The following ZNF615 variants were observed in gnomAD, a reference collection of about 807,000 sequenced individuals.
The protein encoded by ZNF615 is zinc finger protein 615.
ZNF615 carries 15 observed loss-of-function variants against 15.3 expected under a neutral mutation model. The observed-to-expected ratio is 0.98, with a 90% CI of 0.66 to 1.51. The LOEUF is 1.51. Ranked by LOEUF, ZNF615 falls within the 40% of genes most tolerant of loss-of-function variation. ZNF615 has a pLI of 0.00. For missense variants in ZNF615, 848 were observed against 895.9 expected, an observed-to-expected ratio of 0.95 and a Z score of 0.68; for synonymous variants, 268 against 294.6, an observed-to-expected ratio of 0.91 and a Z score of 0.92.
rs776868859 is a variant in ZNF615 at position 51,994,808 on chromosome 19, G to A, written c.301C>T (p.His101Tyr). ...EIRKIDDPLQHHLQNQSIQKS... is the reference protein window; with the variant it reads ...EIRKIDDPLQYHLQNQSIQKS... ...TGAATACTTTGATTTTGCAAGTGATGCTGCAGAGGATCATCAATTTTCCTG... is the reference window on the plus strand; with the variant it reads ...TGAATACTTTGATTTTGCAAGTGATACTGCAGAGGATCATCAATTTTCCTG... Residue 101 changes from histidine (H) to tyrosine (Y), a missense_variant, in exon 7 of 7, where the codon CAT (histidine) becomes TAT (tyrosine). Transcript: ENST00000598071. 6.3e-7 allele frequency: 1 copy of A among 1,596,912 alleles called. No homozygotes were observed. The highest frequency in any genetic ancestry group is 8.5e-7 in the Non-Finnish European group (1 of 1,172,562).
chr19:52,001,298 T>A (rs1351193290), intron 5 of ZNF615, among the ~76,000 whole-genome samples: 1 of 151,660 alleles, frequency 6.6e-6, no homozygotes, highest in Non-Finnish European at 1.5e-5. Flanking sequence ...AAGATGTGCA[T>A]AAAATAAACA....
intron 2 of ZNF615, among the ~76,000 whole-genome samples, chr19:52,004,131 A>C (rs1471212597): frequency 6.6e-6 from 1 of 152,204 alleles, no homozygotes; most frequent in Non-Finnish European, 1.5e-5. Flanking sequence ...TAAGTGAAAG[A>C]GAATGTGGGG....
chr19:52,008,003 C>T, intron 1 of ZNF615, 138 bp downstream of exon 1: 1 of 757,108 alleles, frequency 1.3e-6, no homozygotes, highest in Non-Finnish European at 2.2e-6. Flanking sequence ...ACGCTAAGCT[C>T]CTGAAAGAAT....
Position 51,992,156 on chromosome 19 carries a change from A to G in ZNF615, c.*724T>C, listed in dbSNP as rs2122991387. On this transcript the variant is annotated 3_prime_UTR_variant, in exon 7 of 7. Transcript: ENST00000598071. The stretch of plus-strand genomic sequence containing the variant: ...GAAATGCAGGAGCTAATCATATAAT[A>G]AAATGAGGCAGGCATAAAATACTCC... 1 of 152,324 alleles carries G rather than the reference A, an allele frequency of 6.6e-6. No homozygotes were observed. Among genetic ancestry groups the G allele is most frequent in the African/African-American group, 2.4e-5 (1 of 41,562 alleles). The allele number at this position is 152,324 out of a possible 1,614,324, so 9.4% of individuals were successfully genotyped here.
In ZNF615 at chr19:52,003,782, A is replaced by G. The variant is rs138220540; in HGVS notation, c.-71T>C. 39 of 1,590,268 alleles carry G rather than the reference A, an allele frequency of 2.5e-5. No individual in the cohort carries two copies. Among genetic ancestry groups the G allele is most frequent in the Non-Finnish European group, 3.2e-5 (37 of 1,171,006 alleles). ...TTTGTCTCTTCTGAATCAGCTCTAA[A>G]TTTCGGTTCAAAAACTTCAATCTCC... On this transcript the variant is annotated 5_prime_UTR_variant, in exon 3 of 7. Transcript: ENST00000598071.
chr19:51,992,242 A>G lies in ZNF615; in HGVS notation c.*638T>C, dbSNP rs1321122436. On this transcript the variant is annotated 3_prime_UTR_variant, in exon 7 of 7. Coordinates refer to ENST00000598071, the MANE Select transcript of ZNF615 (RefSeq NM_001199324.2). ...TAGAGGAAGTCACAATTTAAAATGT[A>G]TAAAATCAGTGACAAGGCAACTAGG... is the stretch of plus-strand genomic sequence containing the variant. The G allele has an allele frequency of 6.6e-6, 1 of 152,240 alleles. No individual in the cohort carries two copies. Among genetic ancestry groups the G allele is most frequent in the Non-Finnish European group, 1.5e-5 (1 of 68,048 alleles). The allele number at this position is 152,240 out of a possible 1,614,324, so 9.4% of individuals were successfully genotyped here.
Position 51,993,147 on chromosome 19 carries a change from C to T in ZNF615, c.1962G>A (p.Gln654=), listed in dbSNP as rs2086286886. 1 of 1,614,200 alleles carries T rather than the reference C, an allele frequency of 6.2e-7. No individual in the cohort carries two copies. Among genetic ancestry groups the T allele is most frequent in the Admixed American group, 1.7e-5 (1 of 60,030 alleles). Residue 654 remains glutamine, a synonymous_variant, in exon 7 of 7, where the codon CAG becomes CAA. Coordinates refer to ENST00000598071, the MANE Select transcript of ZNF615 (RefSeq NM_001199324.2). ...AGGAAGTCTTTCCTGTGTGAAATCG[C>T]TGATGTTGTATGAGGCATGTCTTCT... ...FRKKTCLIQH[Q]RFHTGKTSFA...
At chr19:52,001,635 A>AT in intron 5 of ZNF615, 178 bp downstream of exon 5, 1 of 544,176 alleles carries the variant, frequency 1.8e-6, no homozygotes, top group Non-Finnish European at 3.3e-6. Flanking sequence ...AAAAAAAAAA[A>AT]GAAAAGAAAG....
At position 52,003,964 on chromosome 19, in the gene ZNF615, T is replaced by C. The variant is rs1600014944; in HGVS notation, c.-189-64A>G. On this transcript the variant is annotated intron_variant, in intron 2 of 6. Coordinates refer to ENST00000598071, the MANE Select transcript of ZNF615 (RefSeq NM_001199324.2). ...GGCCCAGATGTTGTCACTGTTCCTATATGCTCACCTTAAATCAAGGCCCCC... is the reference window on the plus strand; with the variant it reads ...GGCCCAGATGTTGTCACTGTTCCTACATGCTCACCTTAAATCAAGGCCCCC... 1.0e-5 allele frequency: 12 copies of C among 1,172,958 alleles called. No homozygotes were observed. In the East Asian group the frequency reaches 2.2e-4, roughly 22 times the overall value. 72.7% of individuals were successfully genotyped at this position (1,172,958 alleles called of 1,614,324 possible).
intron 1 of ZNF615, 127 bp downstream of exon 1, chr19:52,008,014 T>C: frequency 1.2e-6 from 1 of 836,124 alleles, no homozygotes; most frequent in Non-Finnish European, 1.9e-6. Context: ...CTGAAAGAAT[T>C]CCACTGGCGT....
At chr19:51,997,280 G>C (rs2086467013) in intron 6 of ZNF615, among the ~76,000 whole-genome samples, 1 of 152,132 alleles carries the variant, frequency 6.6e-6, no homozygotes, top group African/African-American at 2.4e-5. Flanking sequence ...ACTCCAGCCT[G>C]GGTAACAGAG....
chr19:52,007,330 C>T lies in ZNF615; in HGVS notation c.-227G>A, dbSNP rs964227598. On this transcript the variant is annotated splice_region_variant and 5_prime_UTR_variant, in exon 2 of 7. Transcript: ENST00000598071. The stretch of plus-strand genomic sequence containing the variant: ...GTTATCTTACTTGTGTCAGAAAGAA[C>T]CTGAAAAGAAATATCCAAGAGGATA... 1 of 1,288,102 alleles carries T rather than the reference C, an allele frequency of 7.8e-7. No individual in the cohort carries two copies. The highest frequency in any genetic ancestry group is 1.0e-6 in the Non-Finnish European group (1 of 987,970). The allele number at this position is 1,288,102 out of a possible 1,614,324, so 79.8% of individuals were successfully genotyped here.
intron 6 of ZNF615, among the ~76,000 whole-genome samples, chr19:51,998,139 T>C (rs1341400000): frequency 4.6e-5 from 7 of 152,208 alleles, no homozygotes; most frequent in Admixed American, 4.6e-4. Context: ...CTCCCTACTG[T>C]GTTCTCAACT....
rs1222744191 is a variant in ZNF615 at position 51,993,136 on chromosome 19, G to A, written c.1973C>T (p.Thr658Ile). The A allele has an allele frequency of 6.2e-7, 1 of 1,614,224 alleles. No individual in the cohort carries two copies. Among genetic ancestry groups the A allele is most frequent in the Admixed American group, 1.7e-5 (1 of 60,028 alleles). Reference sequence around the variant, plus strand: ...AGTACATGCAAAGGAAGTCTTTCCTGTGTGAAATCGCTGATGTTGTATGAG... The same window carrying A: ...AGTACATGCAAAGGAAGTCTTTCCTATGTGAAATCGCTGATGTTGTATGAG... ...TCLIQHQRFH[T>I]GKTSFACTEC... The change falls in exon 7 of 7, where the codon ACA becomes ATA. Residue 658 changes from threonine to isoleucine, a missense_variant. Coordinates refer to ENST00000598071, the MANE Select transcript of ZNF615 (RefSeq NM_001199324.2).
Position 51,993,017 on chromosome 19 carries a change from T to C in ZNF615, c.2092A>G (p.Lys698Glu). ...EKPYKCSDCG[K>E]AFTTKSGLNV... ...AGCCCTGATTTTGTAGTGAAGGCTT[T>C]CCCGCAGTCACTGCATTTGTACGGT... The change falls in exon 7 of 7, where the codon AAA (lysine) becomes GAA (glutamate). Residue 698 changes from lysine (K) to glutamate (E), a missense_variant. By Grantham distance (56) the Lys-to-Glu change is moderately conservative. Coordinates refer to ENST00000598071, the MANE Select transcript of ZNF615 (RefSeq NM_001199324.2). The C allele has an allele frequency of 6.2e-7, 1 of 1,614,220 alleles. No homozygotes were observed. The highest frequency in any genetic ancestry group is 1.1e-5 in the South Asian group (1 of 91,088).
chr19:52,003,789 T>C lies in ZNF615; in HGVS notation c.-78A>G, dbSNP rs1600014608. The C allele has an allele frequency of 1.3e-6, 2 of 1,586,810 alleles. No homozygotes were observed. Among genetic ancestry groups the C allele is most frequent in the Non-Finnish European group, 1.7e-6 (2 of 1,168,968 alleles). On this transcript the variant is annotated 5_prime_UTR_variant, in exon 3 of 7. Coordinates refer to ENST00000598071, the MANE Select transcript of ZNF615 (RefSeq NM_001199324.2). Reference sequence around the variant, plus strand: ...CTTCTGAATCAGCTCTAAATTTCGGTTCAAAAACTTCAATCTCCAATCAAG... The same window carrying C: ...CTTCTGAATCAGCTCTAAATTTCGGCTCAAAAACTTCAATCTCCAATCAAG...
At chr19:52,002,878 G>A (rs966312504) in intron 3 of ZNF615, among the ~76,000 whole-genome samples, 2 of 151,484 alleles carry the variant, frequency 1.3e-5, no homozygotes, top group African/African-American at 2.4e-5. Context: ...CCAGGCTGGA[G>A]TGCAGTGGCA....
chr19:52,001,343 GGCGCAGT>G (rs1222622046), intron 5 of ZNF615, among the ~76,000 whole-genome samples: 2 of 152,096 alleles, frequency 1.3e-5, no homozygotes, highest in African/African-American at 4.8e-5. Flanking sequence ...GTGGGGGCCG[GGCGCAGT>G]GGCTCAAGCC....
intron 2 of ZNF615, among the ~76,000 whole-genome samples, chr19:52,005,813 G>C (rs968940737): frequency 4.6e-5 from 7 of 152,176 alleles, no homozygotes. Context: ...TCAGTAGAAT[G>C]CAGTATAAAA....
Sources: gnomAD v4.1 joint callset for allele counts (sites outside exome capture counted in the v4.1 genomes callset) on GRCh38, gnomAD v4.1.1 for gene constraint, MANE v1.5 for transcripts, NCBI Gene and HGNC (gene_info 2026-07-23, HGNC 2026-07-21) for gene names.